LMCD1: variants seen among roughly 807,000 people sequenced by gnomAD.
LMCD1 encodes LIM and cysteine-rich domains protein 1.
In LMCD1, 32 loss-of-function variants were observed where a neutral mutation model predicts 42.7. The ratio of observed to expected loss-of-function variants is 0.75; its 90% CI spans 0.57 to 1.01. The LOEUF (loss-of-function observed/expected upper bound fraction) is 1.01, where lower values mean the gene tolerates loss of function less well. LMCD1 is among the 50% of genes least tolerant of loss of function. The pLI is 0.00. For synonymous variants in LMCD1, 178 were observed against 184.9 expected (o/e 0.96, Z 0.30); for missense variants, 458 against 483.1 (o/e 0.95, Z 0.49).
chr3:8,521,002 A>C (rs185132521), intron 1 of LMCD1, among the ~76,000 whole-genome samples: 138 of 152,302 alleles, frequency 9.1e-4, no homozygotes, highest in African/African-American at 3.2e-3. Context: ...CCTTTGTACA[A>C]TTCACTATTC....
At chr3:8,552,183 A>G (rs1403989000) in intron 4 of LMCD1, among the ~76,000 whole-genome samples, 1 of 152,212 alleles carries the variant, frequency 6.6e-6, no homozygotes, top group African/African-American at 2.4e-5. Context: ...TCTGATTTAA[A>G]GCTTACAACT....
chr3:8,512,910 A>G (rs1036620630), intron 1 of LMCD1, among the ~76,000 whole-genome samples: 2 of 152,194 alleles, frequency 1.3e-5, no homozygotes, highest in African/African-American at 4.8e-5. Flanking sequence ...TAGGATTAGA[A>G]TTCAAGGTAC....
chr3:8,573,378 G>A lies in LMCD1; in HGVS notation c.*5780G>A, dbSNP rs1329662486. 1 of 152,156 alleles carries A rather than the reference G, an allele frequency of 6.6e-6. No homozygotes were observed. Among genetic ancestry groups the A allele is most frequent in the African/African-American group, 2.4e-5 (1 of 41,440 alleles). 9.4% of individuals were successfully genotyped at this position (152,156 alleles called of 1,614,324 possible). A position where few individuals can be genotyped will look rare whatever the true frequency, so the allele number is the denominator to read the frequency against. Reference sequence around the variant, plus strand: ...CCATTACCTCACATAGTTATTTTTTGTGGTGAGAACATTTTAAAAATATTG... The same window carrying A: ...CCATTACCTCACATAGTTATTTTTTATGGTGAGAACATTTTAAAAATATTG... On this transcript the variant is annotated 3_prime_UTR_variant, in exon 6 of 6. Transcript: ENST00000157600.
rs1695246552 is a variant in LMCD1, at chr3:8,573,203, C to G, written c.*5605C>G. The G allele has an allele frequency of 6.6e-6, 1 of 152,116 alleles. No homozygotes were observed. Among genetic ancestry groups the G allele is most frequent in the African/African-American group, 2.4e-5 (1 of 41,406 alleles). 9.4% of individuals were successfully genotyped at this position (152,116 alleles called of 1,614,324 possible). Reference sequence around the variant, plus strand: ...ATACCCAAGATGTTTCATGTTGTAGCTTGGGTGAATTACACATTTCTGAAG... The same window carrying G: ...ATACCCAAGATGTTTCATGTTGTAGGTTGGGTGAATTACACATTTCTGAAG... On this transcript the variant is annotated 3_prime_UTR_variant, in exon 6 of 6. Coordinates refer to ENST00000157600, the MANE Select transcript of LMCD1 (RefSeq NM_014583.4).
chr3:8,507,418 A>G (rs1423555492), intron 1 of LMCD1, among the ~76,000 whole-genome samples: 1 of 152,088 alleles, frequency 6.6e-6, no homozygotes, highest in South Asian at 2.1e-4. Flanking sequence ...GCTTTGTGAA[A>G]CTCCCAAATC....
At chr3:8,555,334 G>A (rs2125036070) in intron 4 of LMCD1, among the ~76,000 whole-genome samples, 1 of 152,310 alleles carries the variant, frequency 6.6e-6, no homozygotes, top group East Asian at 1.9e-4. Flanking sequence ...GGCTCGGCAG[G>A]CAGGCTGGCT....
At chr3:8,512,582 C>T (rs142328813) in intron 1 of LMCD1, among the ~76,000 whole-genome samples, 15 of 152,288 alleles carry the variant, frequency 9.8e-5, no homozygotes, top group Middle Eastern at 3.4e-3. Flanking sequence ...TCCTCCTACA[C>T]AGCCAACAGA....
In LMCD1 at chr3:8,501,843, C is replaced by T; in HGVS notation, c.-96C>T. On this transcript the variant is annotated 5_prime_UTR_variant, in exon 1 of 6. Transcript: ENST00000157600. The stretch of plus-strand genomic sequence containing the variant: ...GCTGCGCACAGAGCTCCCTCCCAGG[C>T]CCGCGAACTTGGCCATTCAGCCGCC... The T allele has an allele frequency of 9.1e-7, 1 of 1,100,742 alleles. No homozygotes were observed. The highest frequency in any genetic ancestry group is 1.3e-6 in the Non-Finnish European group (1 of 755,632). 68.2% of individuals were successfully genotyped at this position (1,100,742 alleles called of 1,614,324 possible).
intron 4 of LMCD1, among the ~76,000 whole-genome samples, chr3:8,557,314 T>C (rs534675816): frequency 8.5e-5 from 13 of 152,214 alleles, no homozygotes; most frequent in African/African-American, 3.1e-4. Flanking sequence ...TAAGAGGAAA[T>C]GGAGAGATGC....
intron 1 of LMCD1, among the ~76,000 whole-genome samples, chr3:8,523,922 T>C (rs1162707207): frequency 1.3e-5 from 2 of 152,110 alleles, no homozygotes; most frequent in African/African-American, 4.8e-5. Flanking sequence ...AATGTAGACT[T>C]TAAGTTATGG....
At chr3:8,513,900 A>T (rs367829734) in intron 1 of LMCD1, among the ~76,000 whole-genome samples, 1 of 152,184 alleles carries the variant, frequency 6.6e-6, no homozygotes, top group East Asian at 1.9e-4. Context: ...GAAAGAAAAT[A>T]TTTGCAGTAT....
intron 1 of LMCD1, among the ~76,000 whole-genome samples, chr3:8,511,262 A>G (rs1693994440): frequency 6.6e-6 from 1 of 152,244 alleles, no homozygotes; most frequent in African/African-American, 2.4e-5. Context: ...GAGAATAAAC[A>G]CATTACTTTG....
intron 3 of LMCD1, among the ~76,000 whole-genome samples, chr3:8,541,129 G>GGTACAGGA (rs1228481308): frequency 1.3e-5 from 2 of 152,100 alleles, no homozygotes; most frequent in Admixed American, 6.6e-5. Context: ...CCTAATCCAG[G>GGTACAGGA]GTACAGGAGT....
Position 8,571,723 on chromosome 3 carries a change from A to G in LMCD1, c.*4125A>G, listed in dbSNP as rs922163071. On this transcript the variant is annotated 3_prime_UTR_variant, in exon 6 of 6. Coordinates refer to ENST00000157600, the MANE Select transcript of LMCD1 (RefSeq NM_014583.4). The stretch of plus-strand genomic sequence containing the variant: ...CTTCCGCCTTAGGAGGGTCTTAGAA[A>G]AGTGTTTTTCCTTAATGAAAGGAGA... The G allele has an allele frequency of 6.6e-6, 1 of 152,214 alleles. No individual in the cohort carries two copies. The highest frequency in any genetic ancestry group is 2.4e-5 in the African/African-American group (1 of 41,446). The allele number at this position is 152,214 out of a possible 1,614,324, so 9.4% of individuals were successfully genotyped here. A position where few individuals can be genotyped will look rare whatever the true frequency, so the allele number is the denominator to read the frequency against.
intron 1 of LMCD1, among the ~76,000 whole-genome samples, chr3:8,525,503 T>A (rs1694282954): frequency 6.6e-6 from 1 of 152,184 alleles, no homozygotes; most frequent in African/African-American, 2.4e-5. Flanking sequence ...ATCTTGGCTA[T>A]TGTGAATAGC....
rs1010871479 is a variant in LMCD1, at chr3:8,568,337, A to G, written c.*739A>G. The stretch of plus-strand genomic sequence containing the variant: ...ACAAAGGTATCATGTTTTATGGTAC[A>G]CTGAAAAGTGGCCTGCTGGGAACTG... On this transcript the variant is annotated 3_prime_UTR_variant, in exon 6 of 6. Coordinates refer to ENST00000157600, the MANE Select transcript of LMCD1 (RefSeq NM_014583.4). 2.0e-5 allele frequency: 3 copies of G among 152,338 alleles called. No individual in the cohort carries two copies. Among genetic ancestry groups the G allele is most frequent in the African/African-American group, 7.2e-5 (3 of 41,580 alleles). The allele number at this position is 152,338 out of a possible 1,614,324, so 9.4% of individuals were successfully genotyped here. A position where few individuals can be genotyped will look rare whatever the true frequency, so the allele number is the denominator to read the frequency against.
chr3:8,559,718 G>A (rs996523013), intron 4 of LMCD1, among the ~76,000 whole-genome samples: 20 of 152,340 alleles, frequency 1.3e-4, no homozygotes, highest in South Asian at 6.2e-4. Context: ...ACCACCAGAC[G>A]ATAGATCCAG....
intron 1 of LMCD1, among the ~76,000 whole-genome samples, chr3:8,524,151 A>G (rs1694253318): frequency 6.6e-6 from 1 of 151,590 alleles, no homozygotes; most frequent in South Asian, 2.1e-4. Flanking sequence ...GGAAAGTGAA[A>G]AAAGCCTTCC....
intron 5 of LMCD1, among the ~76,000 whole-genome samples, chr3:8,565,997 C>T (rs1309687947): frequency 6.6e-6 from 1 of 152,138 alleles, no homozygotes; most frequent in Non-Finnish European, 1.5e-5. Context: ...TTACCTAACT[C>T]CGGAGCCTCA....
Sources: gnomAD v4.1 joint callset for allele counts (sites outside exome capture counted in the v4.1 genomes callset) on GRCh38, gnomAD v4.1.1 for gene constraint, MANE v1.5 for transcripts, NCBI Gene and HGNC (gene_info 2026-07-23, HGNC 2026-07-21) for gene names.